Variants in PTGFRN observed in about 807,000 individuals in gnomAD.
PTGFRN encodes prostaglandin F2 receptor negative regulator.
In PTGFRN, 35 loss-of-function variants were observed where a neutral mutation model predicts 83.2. The ratio of observed to expected loss-of-function variants is 0.42; its 90% CI spans 0.32 to 0.56. The LOEUF is 0.56. PTGFRN is among the 20% of genes least tolerant of loss of function. The pLI, the probability that PTGFRN is intolerant of heterozygous loss-of-function variation, is 0.11. For synonymous variants in PTGFRN, 519 were observed against 498.6 expected (o/e 1.04, Z -0.55); for missense variants, 1,051 against 1,179.5 (o/e 0.89, Z 1.60).
chr1:116,939,632 T>C (rs181857566), intron 1 of PTGFRN, among the ~76,000 whole-genome samples: 6 of 152,370 alleles, frequency 3.9e-5, no homozygotes, highest in African/African-American at 1.4e-4. Context: ...TCTTGGGGAT[T>C]AACATTAGGC....
chr1:116,957,125 C>T (rs202241588), intron 4 of PTGFRN, among the ~76,000 whole-genome samples: 1 of 126,220 alleles, frequency 7.9e-6, no homozygotes, highest in African/African-American at 2.9e-5. Flanking sequence ...CTCTCTCTCT[C>T]TTTCTCTCTC....
chr1:116,966,092 T>G (rs1479839286), intron 5 of PTGFRN, among the ~76,000 whole-genome samples: 1 of 152,218 alleles, frequency 6.6e-6, no homozygotes, highest in Non-Finnish European at 1.5e-5. Flanking sequence ...ATAAAAAGAA[T>G]GTATCTAATT....
intron 1 of PTGFRN, among the ~76,000 whole-genome samples, chr1:116,921,332 G>A (rs1649531813): frequency 6.6e-6 from 1 of 152,164 alleles, no homozygotes; most frequent in African/African-American, 2.4e-5. Flanking sequence ...ATGTTGCAGC[G>A]AGGAGTTAAA....
intron 4 of PTGFRN, among the ~76,000 whole-genome samples, chr1:116,955,072 A>G (rs912464763): frequency 5.3e-5 from 8 of 152,212 alleles, no homozygotes; most frequent in African/African-American, 1.4e-4. Context: ...TGTTTTTACA[A>G]ATTAGCCAGT....
chr1:116,957,516 A>G (rs1010007620), intron 4 of PTGFRN, among the ~76,000 whole-genome samples: 1 of 152,092 alleles, frequency 6.6e-6, no homozygotes, highest in Non-Finnish European at 1.5e-5. Context: ...AAAATTATAT[A>G]TGTTTATGGT....
intron 1 of PTGFRN, among the ~76,000 whole-genome samples, chr1:116,932,415 A>G (rs1238008141): frequency 1.3e-5 from 2 of 152,202 alleles, no homozygotes; most frequent in East Asian, 1.9e-4. Context: ...TAATCGGGAA[A>G]CAATTAACTC....
rs551651297 is a variant in PTGFRN, at chr1:116,980,573, G to C, written c.2168-4107G>C. 6.3e-3 allele frequency among the ~76,000 whole-genome samples: 963 copies of C among 152,268 alleles called. 11 individuals carry two copies. The highest frequency in any genetic ancestry group is 0.022 in the African/African-American group (933 of 41,534). On this transcript the variant is annotated intron_variant, in intron 7 of 8. Transcript: ENST00000393203. ...CTTTGTAGGGACATGGATGAAGCTG[G>C]AAACCATCATTCTCAGCAAACTGTC...
intron 1 of PTGFRN, among the ~76,000 whole-genome samples, chr1:116,932,505 T>C (rs1649823978): frequency 6.6e-6 from 1 of 152,220 alleles, no homozygotes. Flanking sequence ...TGGAATAAAG[T>C]TCTCTGCACC....
chr1:116,944,839 G>A lies in PTGFRN; in HGVS notation c.579G>A (p.Arg193=). The change falls in exon 3 of 9, where the codon AGG becomes AGA. Residue 193 remains arginine (R), a synonymous_variant. Coordinates refer to ENST00000393203, the MANE Select transcript of PTGFRN (RefSeq NM_020440.4). ...GGGAGGTGCACCGCGGCCCGGCCAG[G>A]CGGAGCGTCCTCGCCCTGACCCACG... is the stretch of plus-strand genomic sequence containing the variant. ...LLWEVHRGPA[R]RSVLALTHEG... The A allele has an allele frequency of 6.3e-7, 1 of 1,589,310 alleles. No homozygotes were observed.
rs893783357 is a variant in PTGFRN, at chr1:116,949,258, A to G, written c.899A>G (p.Asn300Ser). The G allele has an allele frequency of 6.2e-7, 1 of 1,613,818 alleles. No homozygotes were observed. The highest frequency in any genetic ancestry group is 8.5e-7 in the Non-Finnish European group (1 of 1,179,828). Residue 300 changes from asparagine (N) to serine (S), a missense_variant, in exon 4 of 9, where the codon AAC becomes AGC. Coordinates refer to ENST00000393203, the MANE Select transcript of PTGFRN (RefSeq NM_020440.4). Reference protein sequence around the residue: ...AEGKELDLTCNITTDRADDVR... With the variant: ...AEGKELDLTCSITTDRADDVR... ...GGAAAGGAACTGGACCTGACCTGTA[A>G]CATCACAACAGACCGAGCCGATGAC...
intron 2 of PTGFRN, among the ~76,000 whole-genome samples, chr1:116,943,175 G>A (rs1650102952): frequency 6.6e-6 from 1 of 152,202 alleles, no homozygotes; most frequent in Admixed American, 6.5e-5. Flanking sequence ...CCCTGCCATA[G>A]CTCAGAGACT....
intron 8 of PTGFRN, among the ~76,000 whole-genome samples, chr1:116,985,877 A>C (rs1360121573): frequency 1.3e-5 from 2 of 152,182 alleles, no homozygotes; most frequent in Non-Finnish European, 2.9e-5. Flanking sequence ...GAGTGGGGAC[A>C]GTTGTTCCTT....
chr1:116,911,407 T>C (rs74111789), intron 1 of PTGFRN, among the ~76,000 whole-genome samples: 19,146 of 152,120 alleles, frequency 0.13, 2,162 homozygotes, highest in African/African-American at 0.3. Flanking sequence ...CTTCTATAGC[T>C]ACTCCCCTGC....
intron 2 of PTGFRN, among the ~76,000 whole-genome samples, chr1:116,943,991 C>T (rs1184479126): frequency 1.3e-5 from 2 of 152,116 alleles, no homozygotes; most frequent in African/African-American, 4.8e-5. Context: ...CTGAGTACAC[C>T]ACCCATACTT....
chr1:116,972,190 C>G (rs1281870142), intron 6 of PTGFRN, among the ~76,000 whole-genome samples: 1 of 152,166 alleles, frequency 6.6e-6, no homozygotes, highest in African/African-American at 2.4e-5. Flanking sequence ...GGGCTGAGAG[C>G]TGAGTTAATT....
At chr1:116,920,796 G>A (rs1044154704) in intron 1 of PTGFRN, among the ~76,000 whole-genome samples, 1 of 152,082 alleles carries the variant, frequency 6.6e-6, no homozygotes, top group South Asian at 2.1e-4. Context: ...GCTAATTTTT[G>A]TATTTCTAGT....
At chr1:116,924,272 G>A (rs918717221) in intron 1 of PTGFRN, among the ~76,000 whole-genome samples, 9 of 150,162 alleles carry the variant, frequency 6.0e-5, no homozygotes, top group Non-Finnish European at 1.3e-4. Flanking sequence ...TCAGCCTGCC[G>A]AGTAGCTGGG....
At chr1:116,942,734 A>C (rs1027764122) in intron 2 of PTGFRN, among the ~76,000 whole-genome samples, 7 of 152,242 alleles carry the variant, frequency 4.6e-5, no homozygotes, top group Non-Finnish European at 7.3e-5. Flanking sequence ...TAGCTTTGCA[A>C]ATATTACACC....
rs181253730 is a variant in PTGFRN at position 116,962,933 on chromosome 1, C to G, written c.1639+1265C>G. 1.8e-4 allele frequency among the ~76,000 whole-genome samples: 27 copies of G among 152,316 alleles called. No individual in the cohort carries two copies. In the East Asian group the frequency reaches 5.2e-3, roughly 29 times the overall value. ...CATTATGATAGCACCTTCTTTCATTCTCAGAGCTAAGGCTGGGAGGTAGGG... is the reference window on the plus strand; with the variant it reads ...CATTATGATAGCACCTTCTTTCATTGTCAGAGCTAAGGCTGGGAGGTAGGG... On this transcript the variant is annotated intron_variant, in intron 5 of 8. Coordinates refer to ENST00000393203, the MANE Select transcript of PTGFRN (RefSeq NM_020440.4).
Sources: gnomAD v4.1 joint callset for allele counts (sites outside exome capture counted in the v4.1 genomes callset) on GRCh38, gnomAD v4.1.1 for gene constraint, MANE v1.5 for transcripts, NCBI Gene and HGNC (gene_info 2026-07-23, HGNC 2026-07-21) for gene names.